SPAG17: variants seen among roughly 807,000 people sequenced by gnomAD.
SPAG17 encodes sperm associated antigen 17.
A neutral mutation model predicts 273.6 loss-of-function variants in SPAG17; 169 were observed. That is an observed-to-expected ratio of 0.62 (90% CI 0.55 to 0.70). The LOEUF is 0.70. Among genes scored for constraint, SPAG17 ranks in the 30% least tolerant of loss-of-function variants. SPAG17 has a pLI of 0.00. For synonymous variants in SPAG17, 825 were observed against 873.2 expected, an observed-to-expected ratio of 0.94 and a Z score of 0.97; for missense variants, 2,557 against 2,627.8, an observed-to-expected ratio of 0.97 and a Z score of 0.59.
chr1:118,071,030 T>TC (rs1653528156), intron 17 of SPAG17, among the ~76,000 whole-genome samples: 1 of 152,038 alleles, frequency 6.6e-6, no homozygotes, highest in African/African-American at 2.4e-5. Context: ...TTTTTTTTTT[T>TC]CATGGAGAAT....
intron 1 of SPAG17, among the ~76,000 whole-genome samples, chr1:118,160,868 A>C (rs139776933): frequency 2.8e-3 from 426 of 152,342 alleles, no homozygotes; most frequent in African/African-American, 9.8e-3. Context: ...TCCAGGGAGC[A>C]GTGCCAGATC....
chr1:118,159,413 TCA>T lies in SPAG17; in HGVS notation c.88-8046_88-8045del, dbSNP rs1659804202. ...ATGACCTTGGGCTTATCTTTGTGAC[TCA>T]GTTTCTCATTTAAAATTATGAATCT... On this transcript the variant is annotated intron_variant, in intron 1 of 48. Coordinates refer to ENST00000336338, the MANE Select transcript of SPAG17 (RefSeq NM_206996.4). Among the ~76,000 whole-genome samples the T allele has an allele frequency of 2.6e-5, 4 of 152,308 alleles. No homozygotes were observed. The Middle Eastern group carries it at 0.014, about 518-fold the overall frequency.
intron 38 of SPAG17, among the ~76,000 whole-genome samples, chr1:117,988,653 G>A (rs930678528): frequency 1.3e-5 from 2 of 152,104 alleles, no homozygotes; most frequent in African/African-American, 2.4e-5. Context: ...CGCTCTTGGT[G>A]GGATGTCAAT....
chr1:117,968,221 CCTA>C (rs894290109), intron 46 of SPAG17, among the ~76,000 whole-genome samples: 1 of 152,058 alleles, frequency 6.6e-6, no homozygotes, highest in Non-Finnish European at 1.5e-5. Context: ...AGAGCCAAAA[CCTA>C]CTATCAAAAA....
At chr1:118,182,128 C>T (rs1490625264) in intron 1 of SPAG17, among the ~76,000 whole-genome samples, 3 of 152,002 alleles carry the variant, frequency 2.0e-5, no homozygotes, top group Admixed American at 1.3e-4. Context: ...TAAGGAAATT[C>T]TGAGACATGT....
At position 118,015,962 on chromosome 1, in the gene SPAG17, T is replaced by C; in HGVS notation, c.4287+3A>G. On this transcript the variant is annotated splice_donor_region_variant and intron_variant, in intron 29 of 48. Transcript: ENST00000336338. Reference sequence around the variant, plus strand: ...TTTTGCAATAAACAATAGTTTGTCATACCGTTCCATTGACAGGATCTGTGG... The same window carrying C: ...TTTTGCAATAAACAATAGTTTGTCACACCGTTCCATTGACAGGATCTGTGG... 2 of 1,613,554 alleles carry C rather than the reference T, an allele frequency of 1.2e-6. No homozygotes were observed. The highest frequency in any genetic ancestry group is 1.7e-6 in the Non-Finnish European group (2 of 1,179,586).
intron 48 of SPAG17, 81 bp from the exon 49 acceptor site, chr1:117,954,130 CAAT>C: frequency 2.6e-6 from 4 of 1,556,174 alleles, no homozygotes; most frequent in Non-Finnish European, 2.6e-6. Flanking sequence ...GTTACAGTAT[CAAT>C]AAAGGGAATT....
Position 118,165,272 on chromosome 1 carries a change from A to C in SPAG17, c.88-13903T>G, listed in dbSNP as rs1660108507. ...GATTTTCATCTCTTACAAGTTCCCAAGTGATGCCGAAACTTCTGGTGCAAG... is the reference window on the plus strand; with the variant it reads ...GATTTTCATCTCTTACAAGTTCCCACGTGATGCCGAAACTTCTGGTGCAAG... On this transcript the variant is annotated intron_variant, in intron 1 of 48. Coordinates refer to ENST00000336338, the MANE Select transcript of SPAG17 (RefSeq NM_206996.4). Among the ~76,000 whole-genome samples, 3 of 152,048 alleles carry C rather than the reference A, an allele frequency of 2.0e-5. 1 individual carries two copies.
chr1:118,086,270 T>C (rs981901549), intron 12 of SPAG17, among the ~76,000 whole-genome samples, 198 bp from the exon 13 acceptor site: 2 of 152,216 alleles, frequency 1.3e-5, no homozygotes, highest in Non-Finnish European at 2.9e-5. Context: ...GATTTCCTGG[T>C]GCACAAAAAT....
chr1:117,961,052 G>A (rs753220566), intron 48 of SPAG17: 18 of 152,222 alleles, frequency 1.2e-4, no homozygotes, highest in Non-Finnish European at 2.1e-4. Flanking sequence ...GGGAGGCCGA[G>A]GCAGGCGGAT....
chr1:118,127,531 C>T (rs924804130), intron 3 of SPAG17, among the ~76,000 whole-genome samples: 2 of 152,190 alleles, frequency 1.3e-5, no homozygotes, highest in African/African-American at 4.8e-5. Flanking sequence ...AGGAATTCAA[C>T]CCCATGATCC....
intron 38 of SPAG17, 33 bp from the exon 39 acceptor site, chr1:117,988,237 C>T: frequency 6.7e-7 from 1 of 1,494,996 alleles, no homozygotes; most frequent in Non-Finnish European, 9.0e-7. Context: ...CTTTTATCCC[C>T]ACTTCTTTAT....
At chr1:118,120,856 CT>C (rs1657383335) in intron 3 of SPAG17, among the ~76,000 whole-genome samples, 1 of 152,144 alleles carries the variant, frequency 6.6e-6, no homozygotes, top group African/African-American at 2.4e-5. Flanking sequence ...TGGTAGCTCA[CT>C]TTGAATAAAG....
intron 48 of SPAG17, chr1:117,959,463 T>TC: frequency 1.3e-6 from 2 of 1,570,822 alleles, no homozygotes; most frequent in Non-Finnish European, 1.7e-6. Flanking sequence ...AAATGTGGTA[T>TC]CTTTTTTTTT....
chr1:118,063,705 C>T (rs190003567), intron 18 of SPAG17, among the ~76,000 whole-genome samples: 51 of 152,288 alleles, frequency 3.3e-4, no homozygotes, highest in African/African-American at 1.2e-3. Context: ...ACACCAAAAG[C>T]AATGGCAACA....
At chr1:118,042,144 GT>G in intron 20 of SPAG17, 102 bp from the exon 21 acceptor site, 2 of 1,380,932 alleles carry the variant, frequency 1.4e-6, no homozygotes, top group African/African-American at 1.4e-5. Context: ...TTTTGTTAGT[GT>G]ATCTCTGACA....
intron 18 of SPAG17, among the ~76,000 whole-genome samples, chr1:118,061,859 T>C (rs1652331526): frequency 6.6e-6 from 1 of 152,100 alleles, no homozygotes; most frequent in South Asian, 2.1e-4. Flanking sequence ...TAACTGTCAC[T>C]AGTGAGAATA....
chr1:118,139,866 C>A (rs1464997213), intron 3 of SPAG17, among the ~76,000 whole-genome samples: 1 of 151,938 alleles, frequency 6.6e-6, no homozygotes, highest in African/African-American at 2.4e-5. Context: ...AAACTTAATC[C>A]CCATTGTGGC....
At chr1:117,955,294 G>C in intron 48 of SPAG17, 1 of 1,607,594 alleles carries the variant, frequency 6.2e-7, no homozygotes, top group Non-Finnish European at 8.5e-7. Flanking sequence ...ATCACTAATG[G>C]TATTAATCCT....
Sources: allele counts gnomAD v4.1 joint callset (sites outside exome capture counted in the v4.1 genomes callset), GRCh38; gene constraint gnomAD v4.1.1; transcripts MANE v1.5; gene names NCBI Gene and HGNC (gene_info 2026-07-23, HGNC 2026-07-21).